Variants in TRAPPC12 observed in about 807,000 individuals in gnomAD.
TRAPPC12 encodes trafficking protein particle complex subunit 12.
Under a neutral mutation model 69.2 loss-of-function variants are expected in TRAPPC12, and 61 were observed. The ratio of observed to expected loss-of-function variants is 0.88; its 90% CI spans 0.72 to 1.09. TRAPPC12 has a LOEUF of 1.09. Ranked by LOEUF, TRAPPC12 falls within the 50% of genes least tolerant of loss-of-function variation. The probability of loss-of-function intolerance (pLI) is 0.00; values close to 1 mark genes in which losing one functional copy is unlikely to be tolerated. For missense variants in TRAPPC12, 1,101 were observed against 1,016.4 expected (o/e 1.08, Z -1.13); for synonymous variants, 469 against 438.9 (o/e 1.07, Z -0.86).
At chr2:3,421,859 C>A in intron 3 of TRAPPC12, 22 bp from the exon 4 acceptor site, 1 of 1,605,520 alleles carries the variant, frequency 6.2e-7, no homozygotes, top group Non-Finnish European at 8.5e-7. Context: ...TGTTTGGTCA[C>A]ATGTTCTGCC....
intron 3 of TRAPPC12, among the ~76,000 whole-genome samples, chr2:3,406,003 G>A (rs1218091524): frequency 6.6e-6 from 1 of 152,100 alleles, no homozygotes; most frequent in Non-Finnish European, 1.5e-5. Context: ...CGGGAATCCC[G>A]AGAGCTCCAG....
intron 8 of TRAPPC12, chr2:3,462,922 C>T (rs928913982): frequency 2.1e-6 from 1 of 471,062 alleles, no homozygotes; most frequent in Non-Finnish European, 4.4e-6. Flanking sequence ...CACGCAGCTG[C>T]ATCAGCTACC....
chr2:3,440,726 T>C (rs1664153963), intron 5 of TRAPPC12, among the ~76,000 whole-genome samples: 2 of 152,220 alleles, frequency 1.3e-5, no homozygotes, highest in African/African-American at 4.8e-5. Context: ...GGGAACATTG[T>C]TGCTTTATTC....
chr2:3,476,959 TTTTC>T (rs1666320259), intron 9 of TRAPPC12, among the ~76,000 whole-genome samples: 1 of 152,260 alleles, frequency 6.6e-6, no homozygotes, highest in Non-Finnish European at 1.5e-5. Flanking sequence ...ATAATAGGAC[TTTTC>T]TTTCATTTGT....
rs975239238 is a variant in TRAPPC12 at position 3,421,869 on chromosome 2, C to T, written c.1165-12C>T. 9.3e-6 allele frequency: 15 copies of T among 1,609,744 alleles called. No individual in the cohort carries two copies. The highest frequency in any genetic ancestry group is 1.3e-5 in the African/African-American group (1 of 74,852). On this transcript the variant is annotated splice_polypyrimidine_tract_variant and intron_variant, in intron 3 of 11. Coordinates refer to ENST00000324266, the MANE Select transcript of TRAPPC12 (RefSeq NM_016030.6). ...ATGTGTGTTTGGTCACATGTTCTGC[C>T]GTGTCTTGCAGAGCTGCAGAAACTG...
intron 8 of TRAPPC12, among the ~76,000 whole-genome samples, chr2:3,465,311 A>G (rs1050474873): frequency 6.6e-6 from 1 of 152,236 alleles, no homozygotes; most frequent in African/African-American, 2.4e-5. Flanking sequence ...AGATGGAAGC[A>G]GGAAACAGAC....
At chr2:3,443,416 T>C (rs1408550161) in intron 5 of TRAPPC12, among the ~76,000 whole-genome samples, 1 of 152,254 alleles carries the variant, frequency 6.6e-6, no homozygotes, top group Admixed American at 6.5e-5. Flanking sequence ...TCGAGCTTGC[T>C]AAACTAAAGA....
intron 9 of TRAPPC12, among the ~76,000 whole-genome samples, chr2:3,474,083 A>G (rs10178290): frequency 0.58 from 88,945 of 152,096 alleles, 27,950 homozygotes; most frequent in African/African-American, 0.83. Context: ...CACCAAGGTG[A>G]TGAGGAATCC....
At chr2:3,470,051 T>C (rs1478421249) in intron 9 of TRAPPC12, among the ~76,000 whole-genome samples, 1 of 152,024 alleles carries the variant, frequency 6.6e-6, no homozygotes, top group Non-Finnish European at 1.5e-5. Context: ...AGGTGGGAGA[T>C]GAGGTGGGCA....
At chr2:3,397,054 T>A (rs1456893193) in intron 2 of TRAPPC12, among the ~76,000 whole-genome samples, 4 of 152,214 alleles carry the variant, frequency 2.6e-5, no homozygotes, top group African/African-American at 7.2e-5. Flanking sequence ...ATGTAATATC[T>A]GCATCTATTT....
At chr2:3,451,269 A>C (rs1366473746) in intron 6 of TRAPPC12, among the ~76,000 whole-genome samples, 6 of 152,202 alleles carry the variant, frequency 3.9e-5, no homozygotes, top group Admixed American at 3.9e-4. Context: ...AAGCCTGTTC[A>C]TCCCTGGACC....
intron 2 of TRAPPC12, among the ~76,000 whole-genome samples, chr2:3,401,074 G>A (rs12476309): frequency 0.61 from 93,523 of 152,088 alleles, 29,046 homozygotes; most frequent in African/African-American, 0.69. Context: ...AAACGGTCCC[G>A]TGCAGAGGCA....
At chr2:3,443,620 A>G (rs934693871) in intron 5 of TRAPPC12, 159 bp from the exon 6 acceptor site, 3 of 662,920 alleles carry the variant, frequency 4.5e-6, no homozygotes, top group Non-Finnish European at 5.6e-6. Flanking sequence ...GAAAACCAGC[A>G]TGTATTTTAT....
At chr2:3,451,300 A>G (rs1664837500) in intron 6 of TRAPPC12, among the ~76,000 whole-genome samples, 2 of 152,214 alleles carry the variant, frequency 1.3e-5, no homozygotes. Flanking sequence ...TGCCCAGTGC[A>G]GTATCCCCCA....
At chr2:3,402,886 C>T (rs1572103104) in intron 3 of TRAPPC12, among the ~76,000 whole-genome samples, 1 of 152,182 alleles carries the variant, frequency 6.6e-6, no homozygotes, top group Non-Finnish European at 1.5e-5. Context: ...CACACGGTTG[C>T]CTAGAGTGGA....
chr2:3,439,913 A>C (rs1423983868), intron 5 of TRAPPC12, among the ~76,000 whole-genome samples: 1 of 151,278 alleles, frequency 6.6e-6, no homozygotes, highest in Non-Finnish European at 1.5e-5. Context: ...GTGGACGTCC[A>C]GTTGTCCCAG....
At chr2:3,460,619 A>G (rs1014731954) in intron 8 of TRAPPC12, 2 of 379,736 alleles carry the variant, frequency 5.3e-6, no homozygotes, top group East Asian at 4.4e-5. Flanking sequence ...ATTTTCCCCC[A>G]TTTTTCTCTG....
chr2:3,450,087 C>T (rs1448712997), intron 6 of TRAPPC12, among the ~76,000 whole-genome samples: 4 of 152,128 alleles, frequency 2.6e-5, no homozygotes, highest in Admixed American at 2.6e-4. Flanking sequence ...CTTCAGAAAC[C>T]TCTAGAGTTC....
intron 9 of TRAPPC12, chr2:3,467,471 A>C (rs2103157703): frequency 6.6e-6 from 1 of 152,364 alleles, no homozygotes; most frequent in South Asian, 2.1e-4. Context: ...GATATCTCTG[A>C]AGACGTTGTG....
Sources: gnomAD v4.1 joint callset for allele counts (sites outside exome capture counted in the v4.1 genomes callset) on GRCh38, gnomAD v4.1.1 for gene constraint, MANE v1.5 for transcripts, NCBI Gene and HGNC (gene_info 2026-07-23, HGNC 2026-07-21) for gene names.